CDC42BPA: variants seen among roughly 807,000 people sequenced by gnomAD.
The protein encoded by CDC42BPA is CDC42 binding protein kinase alpha.
Under a neutral mutation model 223.5 loss-of-function variants are expected in CDC42BPA, and 80 were observed. The ratio of observed to expected loss-of-function variants is 0.36; its 90% CI spans 0.30 to 0.43. The LOEUF is 0.43. CDC42BPA is among the 20% of genes least tolerant of loss of function. The pLI, the probability that CDC42BPA is intolerant of heterozygous loss-of-function variation, is 1.00. For missense variants in CDC42BPA, 1,743 were observed against 2,099.9 expected (o/e 0.83, Z 3.32); for synonymous variants, 694 against 718.6 (o/e 0.97, Z 0.55).
chr1:227,067,509 T>A (rs1373842231), intron 21 of CDC42BPA, among the ~76,000 whole-genome samples: 2 of 152,174 alleles, frequency 1.3e-5, no homozygotes, highest in Non-Finnish European at 2.9e-5. Flanking sequence ...TGTATGGAAA[T>A]ATCATATTGA....
Position 227,066,306 on chromosome 1 carries a change from C to G in CDC42BPA, c.2904+3471G>C, listed in dbSNP as rs370745273. Among the ~76,000 whole-genome samples the G allele has an allele frequency of 2.3e-4, 35 of 151,992 alleles. No homozygotes were observed. In the East Asian group the frequency reaches 4.9e-3, roughly 21 times the overall value. ...TTGGGAGGCTGAGGCAGGAGAATCG[C>G]TTGAACCTGGGACGCAGAGGTTGCA... is the stretch of plus-strand genomic sequence containing the variant. On this transcript the variant is annotated intron_variant, in intron 21 of 36. Coordinates refer to ENST00000366766, the MANE Select transcript of CDC42BPA (RefSeq NM_001394014.1).
At chr1:227,114,678 C>A (rs1687497226) in intron 12 of CDC42BPA, among the ~76,000 whole-genome samples, 2 of 152,034 alleles carry the variant, frequency 1.3e-5, no homozygotes, top group Admixed American at 1.3e-4. Flanking sequence ...AATTTGAAAT[C>A]TGAAATGTTT....
chr1:227,084,229 A>G (rs1681337683), intron 16 of CDC42BPA, among the ~76,000 whole-genome samples: 1 of 152,234 alleles, frequency 6.6e-6, no homozygotes, highest in Non-Finnish European at 1.5e-5. Flanking sequence ...TTAAGTTTTT[A>G]GAAAATTCAT....
At chr1:227,031,844 T>C (rs748526809) in intron 27 of CDC42BPA, among the ~76,000 whole-genome samples, 40 of 152,188 alleles carry the variant, frequency 2.6e-4, no homozygotes, top group Non-Finnish European at 4.7e-4. Context: ...GAGCACCAGG[T>C]AGATCTAAGC....
At chr1:227,114,295 C>T (rs1687431290) in intron 12 of CDC42BPA, among the ~76,000 whole-genome samples, 1 of 151,722 alleles carries the variant, frequency 6.6e-6, no homozygotes, top group Non-Finnish European at 1.5e-5. Flanking sequence ...GTAACAACAG[C>T]AACAGAAACA....
chr1:227,116,050 A>G (rs1453543747), intron 12 of CDC42BPA, among the ~76,000 whole-genome samples: 1 of 152,172 alleles, frequency 6.6e-6, no homozygotes, highest in Non-Finnish European at 1.5e-5. Context: ...AAGTGAACTA[A>G]CTTCTCTGTG....
At chr1:227,057,365 G>GTTAC (rs5781459) in intron 21 of CDC42BPA, among the ~76,000 whole-genome samples, 1 of 151,538 alleles carries the variant, frequency 6.6e-6, no homozygotes, top group South Asian at 2.1e-4. Context: ...ACATTTCATA[G>GTTAC]TTAATTTTAA....
rs191631442 is a variant in CDC42BPA at position 227,105,837 on chromosome 1, C to T, written c.2002-4598G>A. ...TATTTATATACCACATTTTCTTTAT[C>T]CATCTGTTGATGAACACTTGGATTG... On this transcript the variant is annotated intron_variant, in intron 14 of 36. Coordinates refer to ENST00000366766, the MANE Select transcript of CDC42BPA (RefSeq NM_001394014.1). Among the ~76,000 whole-genome samples the T allele has an allele frequency of 1.3e-3, 192 of 152,214 alleles. 2 individuals are homozygous for T. Among genetic ancestry groups the T allele is most frequent in the African/African-American group, 4.3e-3 (177 of 41,536 alleles).
rs1412974448 is a variant in CDC42BPA, at chr1:226,993,947, T to C, written c.*321A>G. ...AGCAAAATCTGTCTAATCTTATTCT[T>C]ATCACTTACATTTGTGTAATCTGTC... On this transcript the variant is annotated 3_prime_UTR_variant, in exon 37 of 37. Coordinates refer to ENST00000366766, the MANE Select transcript of CDC42BPA (RefSeq NM_001394014.1). The C allele has an allele frequency of 4.4e-6, 1 of 227,882 alleles. No homozygotes were observed. Among genetic ancestry groups the C allele is most frequent in the Non-Finnish European group, 8.8e-6 (1 of 113,012 alleles). The allele number at this position is 227,882 out of a possible 1,614,324, so 14.1% of individuals were successfully genotyped here. A position where few individuals can be genotyped will look rare whatever the true frequency, so the allele number is the denominator to read the frequency against.
chr1:227,039,387 C>A (rs548480901), intron 24 of CDC42BPA, among the ~76,000 whole-genome samples: 7 of 151,822 alleles, frequency 4.6e-5, no homozygotes, highest in African/African-American at 1.7e-4. Context: ...TTTGAAGTCC[C>A]CTCATATAAG....
chr1:227,072,308 A>C lies in CDC42BPA; in HGVS notation c.2736-9T>G, dbSNP rs781414337. The C allele has an allele frequency of 6.8e-7, 1 of 1,467,896 alleles. No homozygotes were observed. Among genetic ancestry groups the C allele is most frequent in the East Asian group, 2.3e-5 (1 of 44,108 alleles). The allele number at this position is 1,467,896 out of a possible 1,614,324, so 90.9% of individuals were successfully genotyped here. The stretch of plus-strand genomic sequence containing the variant: ...CTGAATCTTTTAGTTTACTTAAATA[A>C]GGAGAAAAAAGGAAAAATGTCATTA... On this transcript the variant is annotated splice_polypyrimidine_tract_variant and intron_variant, in intron 19 of 36. Coordinates refer to ENST00000366766, the MANE Select transcript of CDC42BPA (RefSeq NM_001394014.1).
At position 227,105,237 on chromosome 1, in the gene CDC42BPA, A is replaced by AT. The variant is rs553860142; in HGVS notation, c.2002-3999dup. On this transcript the variant is annotated intron_variant, in intron 14 of 36. Transcript: ENST00000366766. ...AATATCACCAGTATCTATTTCCAAA[A>AT]TTTTTTCATCATTCCAACAAAAAAT... Among the ~76,000 whole-genome samples, 291 of 152,020 alleles carry AT rather than the reference A, an allele frequency of 1.9e-3. 2 individuals are homozygous for AT. Among genetic ancestry groups the AT allele is most frequent in the African/African-American group, 6.6e-3 (274 of 41,468 alleles).
In CDC42BPA at chr1:227,160,634, T is replaced by A; in HGVS notation, c.602A>T (p.Asp201Val). ...SVHQLHYVHR[D>V]IKPDNILMDM... ...CATCAGTATATTGTCAGGTTTAATG[T>A]CTCTGAAAAAATAAATAAATTCAAT... The change falls in exon 6 of 37, where the codon GAC (aspartate) becomes GTC (valine). Residue 201 changes from aspartate (D) to valine (V), a missense_variant and splice_region_variant. Transcript: ENST00000366766. The A allele has an allele frequency of 6.6e-7, 1 of 1,512,640 alleles. No homozygotes were observed. The highest frequency in any genetic ancestry group is 9.0e-7 in the Non-Finnish European group (1 of 1,107,020). The allele number at this position is 1,512,640 out of a possible 1,614,324, so 93.7% of individuals were successfully genotyped here.
At chr1:227,147,174 C>G (rs988129083) in intron 7 of CDC42BPA, among the ~76,000 whole-genome samples, 185 bp downstream of exon 7, 3 of 152,046 alleles carry the variant, frequency 2.0e-5, no homozygotes, top group South Asian at 2.1e-4. Flanking sequence ...TAATAAAATA[C>G]AAGAAAATTA....
At chr1:227,010,837 C>T (rs994535331) in intron 34 of CDC42BPA, 11 of 1,219,376 alleles carry the variant, frequency 9.0e-6, no homozygotes, top group African/African-American at 3.2e-5. Flanking sequence ...GAAATCCATA[C>T]ATGGTTAGTG....
intron 21 of CDC42BPA, among the ~76,000 whole-genome samples, chr1:227,055,251 G>A (rs1244263297): frequency 1.3e-5 from 2 of 151,824 alleles, no homozygotes. Context: ...TCATTTCTCG[G>A]TTACCGCCAG....
At chr1:227,097,533 A>T (rs1181807898) in intron 15 of CDC42BPA, among the ~76,000 whole-genome samples, 1 of 152,144 alleles carries the variant, frequency 6.6e-6, no homozygotes, top group Non-Finnish European at 1.5e-5. Context: ...GGTGGTTGTT[A>T]AACTGTCTCT....
chr1:227,268,627 G>A (rs1193322677), intron 1 of CDC42BPA, among the ~76,000 whole-genome samples: 2 of 133,146 alleles, frequency 1.5e-5, no homozygotes, highest in East Asian at 2.4e-4. Flanking sequence ...TATATATATA[G>A]TATGTGTATA....
At chr1:227,252,316 G>C (rs939192921) in intron 2 of CDC42BPA, among the ~76,000 whole-genome samples, 1 of 152,000 alleles carries the variant, frequency 6.6e-6, no homozygotes, top group African/African-American at 2.4e-5. Flanking sequence ...TTAAAAATTA[G>C]ATGAAATGGA....
Sources: allele counts gnomAD v4.1 joint callset (sites outside exome capture counted in the v4.1 genomes callset), GRCh38; gene constraint gnomAD v4.1.1; transcripts MANE v1.5; gene names NCBI Gene and HGNC (gene_info 2026-07-23, HGNC 2026-07-21).